The following SLC35F1 variants were observed in gnomAD, a reference collection of about 807,000 sequenced individuals.
SLC35F1 encodes solute carrier family 35 member F1.
SLC35F1 carries 14 observed loss-of-function variants against 48.7 expected under a neutral mutation model. The observed-to-expected ratio is 0.29, with a 90% CI of 0.19 to 0.45. The LOEUF (loss-of-function observed/expected upper bound fraction) is 0.45, where lower values mean the gene tolerates loss of function less well. Among genes scored for constraint, SLC35F1 ranks in the 20% least tolerant of loss-of-function variants. The pLI is 1.00. For synonymous variants in SLC35F1, 190 were observed against 202.2 expected (o/e 0.94, Z 0.51); for missense variants, 404 against 500.0 (o/e 0.81, Z 1.83).
chr6:118,029,223 A>AGT (rs571030403), intron 1 of SLC35F1, among the ~76,000 whole-genome samples: 39 of 152,118 alleles, frequency 2.6e-4, no homozygotes, highest in Non-Finnish European at 5.3e-4. Flanking sequence ...CCTTAGAAAA[A>AGT]GTCATTGGTG....
At chr6:118,170,049 G>C (rs1267488014) in intron 2 of SLC35F1, among the ~76,000 whole-genome samples, 1 of 152,196 alleles carries the variant, frequency 6.6e-6, no homozygotes, top group East Asian at 1.9e-4. Context: ...TTGGATTTCA[G>C]AGTGGGAAAC....
chr6:118,006,933 A>T (rs1777181567), intron 1 of SLC35F1, among the ~76,000 whole-genome samples: 1 of 152,138 alleles, frequency 6.6e-6, no homozygotes. Context: ...TACAAATTAT[A>T]AAGAAATATG....
At chr6:117,966,131 G>GCCCCCCCCCCCCCCC (rs35420310) in intron 1 of SLC35F1, among the ~76,000 whole-genome samples, 9 of 101,098 alleles carry the variant, frequency 8.9e-5, no homozygotes, top group Admixed American at 2.8e-4. Context: ...GCAGGCCACC[G>GCCCCCCCCCCCCCCC]CCCCCCCCCC....
At chr6:118,207,894 T>C (rs1774955750) in intron 2 of SLC35F1, among the ~76,000 whole-genome samples, 1 of 152,354 alleles carries the variant, frequency 6.6e-6, no homozygotes, top group East Asian at 1.9e-4. Context: ...CTGGTATGAA[T>C]GAAATCCAGT....
At chr6:118,066,247 T>G (rs1582646577) in intron 1 of SLC35F1, among the ~76,000 whole-genome samples, 1 of 152,308 alleles carries the variant, frequency 6.6e-6, no homozygotes, top group Middle Eastern at 3.4e-3. Flanking sequence ...TGAAATATCA[T>G]CAGAGTTACA....
Position 118,280,905 on chromosome 6 carries a change from A to T in SLC35F1, c.847+3359A>T, listed in dbSNP as rs58862587. ...AAACAATACACCTTTCTTTTTACCCATGTTGAATCTGAGGCCTAGGGAGTT... is the reference window on the plus strand; with the variant it reads ...AAACAATACACCTTTCTTTTTACCCTTGTTGAATCTGAGGCCTAGGGAGTT... On this transcript the variant is annotated intron_variant, in intron 6 of 7. Transcript: ENST00000360388. Among the ~76,000 whole-genome samples the T allele has an allele frequency of 9.7e-3, 1,461 of 151,228 alleles. 23 individuals carry two copies. The highest frequency in any genetic ancestry group is 0.034 in the African/African-American group (1,388 of 41,266).
intron 2 of SLC35F1, among the ~76,000 whole-genome samples, chr6:118,202,506 T>C (rs138039372): frequency 6.6e-6 from 1 of 152,056 alleles, no homozygotes; most frequent in Non-Finnish European, 1.5e-5. Context: ...CAAAATAAAA[T>C]AAAAGAAAAT....
intron 1 of SLC35F1, among the ~76,000 whole-genome samples, chr6:118,127,726 T>A (rs1303229818): frequency 1.3e-5 from 2 of 151,838 alleles, no homozygotes; most frequent in Admixed American, 6.6e-5. Context: ...AACCTAGGCA[T>A]TACCATTCAG....
chr6:118,096,418 G>A (rs1773177309), intron 1 of SLC35F1, among the ~76,000 whole-genome samples: 2 of 152,128 alleles, frequency 1.3e-5, no homozygotes, highest in South Asian at 2.1e-4. Context: ...GACCCTTTTA[G>A]CCATCTCAAA....
At position 118,116,206 on chromosome 6, in the gene SLC35F1, G is replaced by A. The variant is rs539787180; in HGVS notation, c.174-38239G>A. On this transcript the variant is annotated intron_variant, in intron 1 of 7. Coordinates refer to ENST00000360388, the MANE Select transcript of SLC35F1 (RefSeq NM_001029858.4). ...AGAGGTATGCCACTTTATAGAGTGG[G>A]AGAATGAGAATTGTGAAAGAGAGGC... Among the ~76,000 whole-genome samples the A allele has an allele frequency of 1.5e-4, 23 of 152,256 alleles. No individual in the cohort carries two copies. In the South Asian group the frequency reaches 4.6e-3, roughly 30 times the overall value.
At chr6:118,134,648 C>G (rs1773767027) in intron 1 of SLC35F1, among the ~76,000 whole-genome samples, 1 of 152,234 alleles carries the variant, frequency 6.6e-6, no homozygotes, top group African/African-American at 2.4e-5. Flanking sequence ...GAAGCCTACT[C>G]TGTGTTTGTC....
In SLC35F1 at chr6:118,084,139, G is replaced by T. The variant is rs1772950964; in HGVS notation, c.174-70306G>T. On this transcript the variant is annotated intron_variant, in intron 1 of 7. Coordinates refer to ENST00000360388, the MANE Select transcript of SLC35F1 (RefSeq NM_001029858.4). ...CATGGCTAATAAGTCCTTGCTCTGGGATTTTAGCCCAGTCTGGCTCCAAAG... is the reference window on the plus strand; with the variant it reads ...CATGGCTAATAAGTCCTTGCTCTGGTATTTTAGCCCAGTCTGGCTCCAAAG... Among the ~76,000 whole-genome samples the T allele has an allele frequency of 2.6e-5, 4 of 152,144 alleles. No homozygotes were observed. The South Asian group carries it at 8.3e-4, about 32-fold the overall frequency.
chr6:117,933,526 G>A (rs1163284992), intron 1 of SLC35F1, among the ~76,000 whole-genome samples: 3 of 152,118 alleles, frequency 2.0e-5, no homozygotes, highest in Non-Finnish European at 2.9e-5. Context: ...ATAAATCCAC[G>A]TAAATTATTC....
chr6:118,145,925 G>T (rs1773966474), intron 1 of SLC35F1, among the ~76,000 whole-genome samples: 1 of 152,132 alleles, frequency 6.6e-6, no homozygotes, highest in South Asian at 2.1e-4. Flanking sequence ...GGTAAAGATG[G>T]CTGCAATACA....
chr6:117,989,126 G>C (rs1015276755), intron 1 of SLC35F1, among the ~76,000 whole-genome samples: 3 of 152,162 alleles, frequency 2.0e-5, no homozygotes, highest in Admixed American at 1.3e-4. Context: ...ACCTCTGAAA[G>C]GGTCATTGCA....
rs1232840496 is a variant in SLC35F1 at position 117,923,602 on chromosome 6, TATATACATATAC to T, written c.173+15708_173+15719del. Among the ~76,000 whole-genome samples, 56 of 31,490 alleles carry T rather than the reference TATATACATATAC, an allele frequency of 1.8e-3. 10 individuals carry two copies. In the East Asian group the frequency reaches 0.04, roughly 22 times the overall value. The allele number at this position is 31,490 out of a possible 152,430, so 20.7% of individuals were successfully genotyped here. On this transcript the variant is annotated intron_variant, in intron 1 of 7. Transcript: ENST00000360388. Reference sequence around the variant, plus strand: ...GTGTGTGTATATATACATATGTGTATATATACATATACATATGTATATATACATATATGTACA... The same window carrying T: ...GTGTGTGTATATATACATATGTGTATATATGTATATATACATATATGTACA...
intron 1 of SLC35F1, among the ~76,000 whole-genome samples, chr6:117,933,025 T>C (rs1402385247): frequency 2.0e-5 from 3 of 152,262 alleles, no homozygotes; most frequent in Non-Finnish European, 4.4e-5. Context: ...TGACTTCTGC[T>C]TTTTATGCTT....
chr6:118,042,108 C>G (rs1164235796), intron 1 of SLC35F1, among the ~76,000 whole-genome samples: 1 of 152,118 alleles, frequency 6.6e-6, no homozygotes, highest in Non-Finnish European at 1.5e-5. Flanking sequence ...CCTGATTGCT[C>G]TTACATGATA....
intron 1 of SLC35F1, among the ~76,000 whole-genome samples, chr6:117,937,457 T>C (rs1227279601): frequency 6.6e-6 from 1 of 152,204 alleles, no homozygotes; most frequent in Non-Finnish European, 1.5e-5. Flanking sequence ...AAATTTACTG[T>C]CATTATCAAC....
Sources: allele counts gnomAD v4.1 joint callset (sites outside exome capture counted in the v4.1 genomes callset), GRCh38; gene constraint gnomAD v4.1.1; transcripts MANE v1.5; gene names NCBI Gene and HGNC (gene_info 2026-07-23, HGNC 2026-07-21).